Variants in CNTN1 observed in about 807,000 individuals in gnomAD.
CNTN1 encodes the protein contactin 1.
CNTN1 carries 38 observed loss-of-function variants against 126.4 expected under a neutral mutation model. That is an observed-to-expected ratio of 0.30 (90% CI 0.23 to 0.39). The LOEUF is 0.39. CNTN1 is among the 10% of genes least tolerant of loss of function. The pLI, the probability that CNTN1 is intolerant of heterozygous loss-of-function variation, is 1.00. For missense variants in CNTN1, 1,009 were observed against 1,248.4 expected (o/e 0.81, Z 2.89); for synonymous variants, 413 against 422.6 (o/e 0.98, Z 0.28).
intron 1 of CNTN1, among the ~76,000 whole-genome samples, chr12:40,783,737 T>C (rs1241218705): frequency 1.3e-5 from 2 of 152,112 alleles, no homozygotes; most frequent in African/African-American, 4.8e-5. Flanking sequence ...AAAAACCAAA[T>C]AGATGAATAA....
At chr12:41,006,362 T>A (rs76601576) in intron 17 of CNTN1, among the ~76,000 whole-genome samples, 15,593 of 152,142 alleles carry the variant, frequency 0.1, 906 homozygotes, top group Non-Finnish European at 0.13. Flanking sequence ...CCTGCAGGTG[T>A]TCACCACAGT....
intron 1 of CNTN1, among the ~76,000 whole-genome samples, chr12:40,699,421 GT>G (rs771504941): frequency 4.6e-5 from 7 of 151,000 alleles, no homozygotes; most frequent in South Asian, 2.1e-4. Context: ...ATAAAAGAGA[GT>G]TTTTTTTTAA....
At chr12:40,854,626 C>A (rs1942832647) in intron 1 of CNTN1, among the ~76,000 whole-genome samples, 1 of 152,100 alleles carries the variant, frequency 6.6e-6, no homozygotes, top group African/African-American at 2.4e-5. Context: ...AAAGGCAGAT[C>A]AGCAAGTGAA....
At chr12:40,771,755 G>A (rs188889491) in intron 1 of CNTN1, among the ~76,000 whole-genome samples, 16 of 151,916 alleles carry the variant, frequency 1.1e-4, no homozygotes, top group Admixed American at 6.6e-4. Flanking sequence ...TATTTATGAG[G>A]TGTCCAAAAA....
In CNTN1 at chr12:40,790,285, G is replaced by A. The variant is rs539543795; in HGVS notation, c.-77+97693G>A. ...CAACACAGATGAACTTCAGGAGCCA[G>A]GGAATCTCCCCGACAACTTCCAGCG... On this transcript the variant is annotated intron_variant, in intron 1 of 23. Coordinates refer to ENST00000551295, the MANE Select transcript of CNTN1 (RefSeq NM_001843.4). Among the ~76,000 whole-genome samples the A allele has an allele frequency of 4.6e-5, 7 of 152,210 alleles. No individual in the cohort carries two copies. In the East Asian group the frequency reaches 1.4e-3, roughly 30 times the overall value.
chr12:41,059,045 A>T (rs1204522636), intron 23 of CNTN1, among the ~76,000 whole-genome samples: 2 of 152,172 alleles, frequency 1.3e-5, no homozygotes, highest in Non-Finnish European at 1.5e-5. Flanking sequence ...TAGATGGATG[A>T]CACTGAATTG....
At position 41,048,197 on chromosome 12, in the gene CNTN1, C is replaced by T. The variant is rs74370346; in HGVS notation, c.2980+18978C>T. ...CCAGAGAAGAATGCCAACACGAACACTGGTTTCACCTTGAATTCATGACCA... is the reference window on the plus strand; with the variant it reads ...CCAGAGAAGAATGCCAACACGAACATTGGTTTCACCTTGAATTCATGACCA... On this transcript the variant is annotated intron_variant, in intron 23 of 23. Transcript: ENST00000551295. Among the ~76,000 whole-genome samples the T allele has an allele frequency of 4.0e-3, 603 of 152,302 alleles. 7 individuals carry two copies. The highest frequency in any genetic ancestry group is 0.014 in the African/African-American group (579 of 41,576).
rs537968241 is a variant in CNTN1 at position 40,956,146 on chromosome 12, A to G, written c.1684-2968A>G. Among the ~76,000 whole-genome samples, 19 of 152,254 alleles carry G rather than the reference A, an allele frequency of 1.2e-4. No individual in the cohort carries two copies. The South Asian group carries it at 3.9e-3, about 32-fold the overall frequency. Reference sequence around the variant, plus strand: ...AGTGAATACATATTATCTTAAGAGCAGATACCAAAATTCTTGACAATTTGA... The same window carrying G: ...AGTGAATACATATTATCTTAAGAGCGGATACCAAAATTCTTGACAATTTGA... On this transcript the variant is annotated intron_variant, in intron 14 of 23. Coordinates refer to ENST00000551295, the MANE Select transcript of CNTN1 (RefSeq NM_001843.4).
chr12:40,934,567 T>C (rs1326905205), intron 9 of CNTN1, among the ~76,000 whole-genome samples: 2 of 152,078 alleles, frequency 1.3e-5, no homozygotes, highest in Non-Finnish European at 2.9e-5. Context: ...TTCTATAATG[T>C]TCCACAACAT....
chr12:40,778,718 G>C (rs1939683122), intron 1 of CNTN1, among the ~76,000 whole-genome samples: 2 of 151,612 alleles, frequency 1.3e-5, no homozygotes, highest in African/African-American at 4.8e-5. Context: ...AAAGCAACTT[G>C]TTCATTTTTG....
chr12:40,907,361 G>T (rs1469095995), intron 1 of CNTN1, among the ~76,000 whole-genome samples: 1 of 152,178 alleles, frequency 6.6e-6, no homozygotes, highest in African/African-American at 2.4e-5. Flanking sequence ...ACATATCTGT[G>T]TACTCTTTTT....
chr12:40,970,701 A>T (rs1442189), intron 15 of CNTN1, among the ~76,000 whole-genome samples: 73,893 of 151,986 alleles, frequency 0.49, 17,955 homozygotes, highest in Admixed American at 0.51. Flanking sequence ...CTGTATTAAT[A>T]TACACATACT....
chr12:40,787,795 T>C (rs1940081038), intron 1 of CNTN1, among the ~76,000 whole-genome samples: 1 of 152,188 alleles, frequency 6.6e-6, no homozygotes, highest in African/African-American at 2.4e-5. Flanking sequence ...AAATTCTAGA[T>C]GAATTTCATT....
At chr12:40,709,530 G>A (rs1018330889) in intron 1 of CNTN1, among the ~76,000 whole-genome samples, 5 of 152,202 alleles carry the variant, frequency 3.3e-5, no homozygotes, top group Non-Finnish European at 5.9e-5. Flanking sequence ...CCCAGGTGTT[G>A]ACTTCTCCTT....
intron 1 of CNTN1, among the ~76,000 whole-genome samples, chr12:40,887,441 A>AT (rs1355255788): frequency 2.0e-5 from 3 of 152,240 alleles, no homozygotes; most frequent in Non-Finnish European, 4.4e-5. Context: ...CATCAGAGAT[A>AT]TGCAAATCAA....
At chr12:40,923,523 C>A (rs1256182283) in intron 5 of CNTN1, among the ~76,000 whole-genome samples, 2 of 152,008 alleles carry the variant, frequency 1.3e-5, no homozygotes, top group African/African-American at 4.8e-5. Context: ...AAAGAATTAA[C>A]AGGTTGCATT....
At chr12:41,064,891 A>T (rs1404306624) in intron 23 of CNTN1, among the ~76,000 whole-genome samples, 1 of 152,252 alleles carries the variant, frequency 6.6e-6, no homozygotes, top group East Asian at 1.9e-4. Flanking sequence ...AAAATTAAAG[A>T]ACATGCTCAA....
intron 23 of CNTN1, among the ~76,000 whole-genome samples, chr12:41,039,003 A>G (rs1341942335): frequency 1.3e-5 from 2 of 152,158 alleles, no homozygotes; most frequent in Non-Finnish European, 2.9e-5. Context: ...GTATGTTTAG[A>G]TGTTCAAGGA....
At chr12:40,925,800 TTATA>T (rs370971706) in intron 6 of CNTN1, among the ~76,000 whole-genome samples, 6,726 of 116,446 alleles carry the variant, frequency 0.058, 244 homozygotes, top group African/African-American at 0.083. Flanking sequence ...ACTATTGAAA[TTATA>T]TATATATATA....
Sources: allele counts gnomAD v4.1 joint callset (sites outside exome capture counted in the v4.1 genomes callset), GRCh38; gene constraint gnomAD v4.1.1; transcripts MANE v1.5; gene names NCBI Gene and HGNC (gene_info 2026-07-23, HGNC 2026-07-21).